The following CMIP variants were observed in gnomAD, a reference collection of about 807,000 sequenced individuals.
CMIP encodes C-Maf-inducing protein.
CMIP carries 13 observed loss-of-function variants against 97.3 expected under a neutral mutation model. The observed-to-expected ratio is 0.13, with a 90% CI of 0.09 to 0.21. The LOEUF is 0.21. Ranked by LOEUF, CMIP falls within the 10% of genes least tolerant of loss-of-function variation. CMIP has a pLI of 1.00. For missense variants in CMIP, 847 were observed against 1,024.9 expected (o/e 0.83, Z 2.37); for synonymous variants, 538 against 436.3 (o/e 1.23, Z -2.91).
intron 1 of CMIP, chr16:81,519,824 G>A (rs149252079): frequency 1.3e-5 from 2 of 152,308 alleles, no homozygotes; most frequent in Non-Finnish European, 2.9e-5. Context: ...ACTCAGTAAT[G>A]TTCCCTTCCT....
intron 1 of CMIP, among the ~76,000 whole-genome samples, chr16:81,590,956 C>T (rs150482601): frequency 9.7e-4 from 147 of 152,298 alleles, no homozygotes; most frequent in African/African-American, 3.4e-3. Flanking sequence ...GGAACACAAC[C>T]ATGATCATTT....
chr16:81,670,312 A>C (rs920340452), intron 8 of CMIP, 67 bp downstream of exon 8: 1 of 1,498,404 alleles, frequency 6.7e-7, no homozygotes, highest in African/African-American at 1.4e-5. Context: ...CTGTTTACTC[A>C]GATATCCACG....
chr16:81,678,644 G>C lies in CMIP; in HGVS notation c.1388+16G>C. 4 of 1,200,878 alleles carry C rather than the reference G, an allele frequency of 3.3e-6. No individual in the cohort carries two copies. Among genetic ancestry groups the C allele is most frequent in the Non-Finnish European group, 4.8e-6 (4 of 834,944 alleles). The allele number at this position is 1,200,878 out of a possible 1,614,324, so 74.4% of individuals were successfully genotyped here. A position where few individuals can be genotyped will look rare whatever the true frequency, so the allele number is the denominator to read the frequency against. The stretch of plus-strand genomic sequence containing the variant: ...TCAAGCTGCTGTGAGTGCCCCCCCC[G>C]CGTGCCCGCCCCCGGGGCCGGTGGG... On this transcript the variant is annotated intron_variant, in intron 10 of 20. Coordinates refer to ENST00000537098, the MANE Select transcript of CMIP (RefSeq NM_198390.3).
At chr16:81,544,446 G>A (rs760518263) in intron 1 of CMIP, among the ~76,000 whole-genome samples, 2 of 151,766 alleles carry the variant, frequency 1.3e-5, no homozygotes, top group Admixed American at 6.6e-5. Context: ...GTGTGTGTGC[G>A]CGCACACAGG....
Position 81,627,134 on chromosome 16 carries a change from T to A in CMIP, c.477+6208T>A, listed in dbSNP as rs1401723040. ...GTGTGTGTGGTGTGTGTGTGGCATATGGGCCAACTATTTTATGAATGTGTG... is the reference window on the plus strand; with the variant it reads ...GTGTGTGTGGTGTGTGTGTGGCATAAGGGCCAACTATTTTATGAATGTGTG... On this transcript the variant is annotated intron_variant, in intron 3 of 20. Coordinates refer to ENST00000537098, the MANE Select transcript of CMIP (RefSeq NM_198390.3). The surrounding 1 kb of genome is among the most constrained non-coding windows in gnomAD (Gnocchi z 4.6). Among the ~76,000 whole-genome samples, 1 of 150,360 alleles carries A rather than the reference T, an allele frequency of 6.7e-6. No homozygotes were observed. The highest frequency in any genetic ancestry group is 1.5e-5 in the Non-Finnish European group (1 of 67,590).
chr16:81,481,192 C>G (rs970771873), intron 1 of CMIP, among the ~76,000 whole-genome samples: 3 of 152,196 alleles, frequency 2.0e-5, no homozygotes, highest in African/African-American at 7.2e-5. Flanking sequence ...GTCTGGGGCT[C>G]TTAGGAATAT....
chr16:81,707,767 G>A (rs534672862), intron 20 of CMIP, among the ~76,000 whole-genome samples: 12 of 152,356 alleles, frequency 7.9e-5, no homozygotes, highest in South Asian at 6.2e-4. Context: ...CTGTCACCCC[G>A]TCCTCCTGGG....
intron 1 of CMIP, among the ~76,000 whole-genome samples, chr16:81,579,077 A>G (rs1356417287): frequency 6.6e-6 from 1 of 152,118 alleles, no homozygotes; most frequent in Admixed American, 6.5e-5. Context: ...TTCAGATAAG[A>G]ATTCCAGTTG....
chr16:81,670,239 T>C lies in CMIP; in HGVS notation c.923T>C (p.Ile308Thr), dbSNP rs2092669192. ...NAGMEVVKKFIQSMHGPTGHC... is the reference protein window; with the variant it reads ...NAGMEVVKKFTQSMHGPTGHC... Reference sequence around the variant, plus strand: ...GGGATGGAAGTGGTGAAGAAGTTCATTCAGAGGTGGGTCTCCGGCGCGACG... The same window carrying C: ...GGGATGGAAGTGGTGAAGAAGTTCACTCAGAGGTGGGTCTCCGGCGCGACG... The change falls in exon 8 of 21, where the codon ATT (isoleucine) becomes ACT (threonine). Residue 308 changes from isoleucine to threonine, a missense_variant. Transcript: ENST00000537098. The C allele has an allele frequency of 4.3e-6, 7 of 1,609,746 alleles. No individual in the cohort carries two copies. Among genetic ancestry groups the C allele is most frequent in the African/African-American group, 1.3e-5 (1 of 74,986 alleles).
chr16:81,616,448 A>C lies in CMIP; in HGVS notation c.427-4428A>C, dbSNP rs1484474050. The stretch of plus-strand genomic sequence containing the variant: ...CTGTAAGATGGGTGCGTTGAGGAGG[A>C]GAGGAGGTGTGTGTGAGCATTTCTC... On this transcript the variant is annotated intron_variant, in intron 2 of 20. Transcript: ENST00000537098. The surrounding 1 kb of genome is among the most constrained non-coding windows in gnomAD (Gnocchi z 4.7). Among the ~76,000 whole-genome samples, 1 of 152,048 alleles carries C rather than the reference A, an allele frequency of 6.6e-6. No individual in the cohort carries two copies. The highest frequency in any genetic ancestry group is 1.5e-5 in the Non-Finnish European group (1 of 68,002).
At chr16:81,590,283 T>C (rs2091447221) in intron 1 of CMIP, among the ~76,000 whole-genome samples, 1 of 152,144 alleles carries the variant, frequency 6.6e-6, no homozygotes, top group Non-Finnish European at 1.5e-5. Context: ...TCAACCTCTT[T>C]TCCTGGTATT....
intron 3 of CMIP, among the ~76,000 whole-genome samples, chr16:81,640,558 G>C (rs2092292212): frequency 6.6e-6 from 1 of 152,174 alleles, no homozygotes; most frequent in African/African-American, 2.4e-5. Flanking sequence ...ACAGAAATTT[G>C]TTCTCACACA....
intron 1 of CMIP, among the ~76,000 whole-genome samples, chr16:81,459,469 G>A (rs1040684829): frequency 2.0e-5 from 3 of 152,152 alleles, no homozygotes; most frequent in African/African-American, 7.2e-5. Flanking sequence ...CAGCCACCAA[G>A]CTCCCAACCC....
At chr16:81,669,121 CACCTCCTTCCACACCCACTTCAT>C (rs1462792640) in intron 7 of CMIP, among the ~76,000 whole-genome samples, 12 of 40,890 alleles carry the variant, frequency 2.9e-4, no homozygotes, top group East Asian at 6.1e-4. Flanking sequence ...CTCTCACACT[CACCTCCTTCCACACCCACTTCAT>C]ACCTCCTTCC....
Position 81,682,909 on chromosome 16 carries a change from G to A in CMIP, c.1388+4281G>A, listed in dbSNP as rs186544759. ...GAGGTTGATGGTGAAAAAAATCACC[G>A]CATGAGGCGCAGGAGGGGTGAGGTG... is the stretch of plus-strand genomic sequence containing the variant. On this transcript the variant is annotated intron_variant, in intron 10 of 20. Coordinates refer to ENST00000537098, the MANE Select transcript of CMIP (RefSeq NM_198390.3). Among the ~76,000 whole-genome samples, 511 of 152,318 alleles carry A rather than the reference G, an allele frequency of 3.4e-3. 2 individuals are homozygous for A. The highest frequency in any genetic ancestry group is 9.3e-3 in the Admixed American group (142 of 15,308).
At chr16:81,659,624 G>A (rs529875015) in intron 5 of CMIP, among the ~76,000 whole-genome samples, 1 of 152,324 alleles carries the variant, frequency 6.6e-6, no homozygotes, top group Admixed American at 6.5e-5. Context: ...CTCCCTGCCA[G>A]CAACACCTGT....
chr16:81,489,652 G>A (rs2089374821), intron 1 of CMIP, among the ~76,000 whole-genome samples: 2 of 152,232 alleles, frequency 1.3e-5, no homozygotes, highest in Non-Finnish European at 2.9e-5. Context: ...GGATGGCCTT[G>A]GCTCCTGCTT....
At chr16:81,493,850 G>T (rs753020035) in intron 1 of CMIP, among the ~76,000 whole-genome samples, 5 of 152,226 alleles carry the variant, frequency 3.3e-5, no homozygotes, top group Admixed American at 2.0e-4. Context: ...TGACCCACGT[G>T]GCTTCAGGGC....
chr16:81,448,654 C>T (rs745878615), intron 1 of CMIP, among the ~76,000 whole-genome samples: 3 of 152,246 alleles, frequency 2.0e-5, no homozygotes, highest in Non-Finnish European at 2.9e-5. Flanking sequence ...GAGCCAACAG[C>T]GTGCCTAATG....
Sources: allele counts gnomAD v4.1 joint callset (sites outside exome capture counted in the v4.1 genomes callset), GRCh38; gene constraint gnomAD v4.1.1; non-coding constraint Gnocchi (gnomAD v3.1); transcripts MANE v1.5; gene names NCBI Gene and HGNC (gene_info 2026-07-23, HGNC 2026-07-21).